Variants in RUBCN observed in about 807,000 individuals in gnomAD.
The protein encoded by RUBCN is rubicon autophagy regulator, also known as run domain Beclin-1-interacting and cysteine-rich domain-containing protein.
RUBCN carries 74 observed loss-of-function variants against 113.2 expected under a neutral mutation model. That is an observed-to-expected ratio of 0.65 (90% CI 0.54 to 0.79). The LOEUF (loss-of-function observed/expected upper bound fraction) is 0.79, where lower values mean the gene tolerates loss of function less well. Ranked by LOEUF, RUBCN falls within the 30% of genes least tolerant of loss-of-function variation. The probability of loss-of-function intolerance (pLI) is 0.00; values close to 1 mark genes in which losing one functional copy is unlikely to be tolerated. For missense variants in RUBCN, 1,109 were observed against 1,251.7 expected, an observed-to-expected ratio of 0.89 and a Z score of 1.72; for synonymous variants, 480 against 490.0, an observed-to-expected ratio of 0.98 and a Z score of 0.27.
At chr3:197,728,027 CAGG>C (rs111574762) in intron 1 of RUBCN, among the ~76,000 whole-genome samples, 2 of 152,284 alleles carry the variant, frequency 1.3e-5, no homozygotes, top group African/African-American at 4.8e-5. Flanking sequence ...GAGGCTGAAG[CAGG>C]AGGACTGCCT....
chr3:197,734,940 C>T (rs1400444515), intron 1 of RUBCN, among the ~76,000 whole-genome samples: 1 of 152,216 alleles, frequency 6.6e-6, no homozygotes, highest in Non-Finnish European at 1.5e-5. Context: ...CCACTTTGCA[C>T]ATAAAAGTAG....
intron 1 of RUBCN, among the ~76,000 whole-genome samples, chr3:197,731,335 C>A (rs996662071): frequency 6.6e-6 from 1 of 152,174 alleles, no homozygotes; most frequent in African/African-American, 2.4e-5. Context: ...CAACAGGATC[C>A]CAAGGCAGAA....
chr3:197,718,482 C>T (rs1725787898), intron 1 of RUBCN, among the ~76,000 whole-genome samples: 1 of 152,126 alleles, frequency 6.6e-6, no homozygotes, highest in Non-Finnish European at 1.5e-5. Flanking sequence ...AGACACTTAA[C>T]TCTGTCACCC....
upstream of RUBCN, chr3:197,737,035 A>G (rs1728233984): frequency 2.3e-6 from 2 of 871,076 alleles, no homozygotes; most frequent in Non-Finnish European, 2.9e-6. Flanking sequence ...CCGCTCCCGC[A>G]AGCCGCGCCC....
At chr3:197,711,795 C>T (rs970982051) in intron 2 of RUBCN, among the ~76,000 whole-genome samples, 1 of 151,936 alleles carries the variant, frequency 6.6e-6, no homozygotes, top group Non-Finnish European at 1.5e-5. Context: ...TATCTAGCTA[C>T]GTAAAATACA....
At chr3:197,702,860 T>C (rs564846954) in intron 5 of RUBCN, among the ~76,000 whole-genome samples, 1 of 151,990 alleles carries the variant, frequency 6.6e-6, no homozygotes. Context: ...GAAAAAAACA[T>C]GAAAAAACTG....
intron 11 of RUBCN, among the ~76,000 whole-genome samples, chr3:197,687,359 G>A (rs902726080): frequency 2.6e-4 from 40 of 152,364 alleles, no homozygotes; most frequent in African/African-American, 9.4e-4. Flanking sequence ...TTGTCAGAAA[G>A]TATAGCTCAT....
intron 18 of RUBCN, chr3:197,676,102 G>T: frequency 1.4e-6 from 1 of 711,278 alleles, no homozygotes; most frequent in Non-Finnish European, 1.7e-6. Flanking sequence ...TGCGTTTGAG[G>T]AATACATAAA....
chr3:197,703,138 C>T (rs1404083993), intron 5 of RUBCN, among the ~76,000 whole-genome samples: 1 of 152,012 alleles, frequency 6.6e-6, no homozygotes, highest in Non-Finnish European at 1.5e-5. Context: ...GTGGCTCAGG[C>T]CTCTAATCCC....
upstream of RUBCN, among the ~76,000 whole-genome samples, chr3:197,737,829 A>T (rs1728302971): frequency 6.6e-6 from 1 of 152,134 alleles, no homozygotes; most frequent in Admixed American, 6.6e-5. Flanking sequence ...AAGTAATGCT[A>T]AGAAGTGAAG....
At chr3:197,742,787 T>C (rs552431554) in intron 1 of RUBCN, among the ~76,000 whole-genome samples, 1 of 152,354 alleles carries the variant, frequency 6.6e-6, no homozygotes, top group South Asian at 2.1e-4. Context: ...GAATCCTGGC[T>C]CCCTGAGCCT....
chr3:197,711,554 G>A (rs1724965757), intron 2 of RUBCN, among the ~76,000 whole-genome samples: 1 of 152,114 alleles, frequency 6.6e-6, no homozygotes, highest in East Asian at 1.9e-4. Context: ...CTCTGGAAGG[G>A]CTGGGCATGG....
chr3:197,740,405 G>A (rs1728477985), upstream of RUBCN, among the ~76,000 whole-genome samples: 1 of 151,498 alleles, frequency 6.6e-6, no homozygotes, highest in Non-Finnish European at 1.5e-5. Context: ...GGAGGCGGAG[G>A]TTGCAGTGAG....
At chr3:197,684,865 T>C (rs1412453078) in intron 11 of RUBCN, among the ~76,000 whole-genome samples, 1 of 152,188 alleles carries the variant, frequency 6.6e-6, no homozygotes, top group Admixed American at 6.5e-5. Flanking sequence ...ACTGTTGCCA[T>C]TACCCCGAAT....
chr3:197,722,144 G>A (rs1363166030), intron 1 of RUBCN, among the ~76,000 whole-genome samples: 1 of 151,996 alleles, frequency 6.6e-6, no homozygotes, highest in Non-Finnish European at 1.5e-5. Context: ...ACAGGAGGCT[G>A]AGGCAGGAGA....
At chr3:197,677,370 T>TGCAA (rs951803576) in intron 17 of RUBCN, 110 bp downstream of exon 17, 1 of 952,932 alleles carries the variant, frequency 1.0e-6, no homozygotes, top group Non-Finnish European at 1.7e-6. Flanking sequence ...TTTACAGTTC[T>TGCAA]GCAAAATCTC....
chr3:197,688,994 A>G (rs1722142096), intron 11 of RUBCN, among the ~76,000 whole-genome samples: 1 of 151,538 alleles, frequency 6.6e-6, no homozygotes, highest in Non-Finnish European at 1.5e-5. Context: ...TTTACCAAAA[A>G]TCGTTGAGTT....
chr3:197,676,661 G>T, intron 18 of RUBCN: 1 of 1,413,740 alleles, frequency 7.1e-7, no homozygotes, highest in Admixed American at 2.8e-5. Context: ...AGCTACCCAG[G>T]ACCACAGCCA....
At chr3:197,739,286 G>A (rs1018562439), upstream of RUBCN, among the ~76,000 whole-genome samples, 2 of 151,664 alleles carry the variant, frequency 1.3e-5, no homozygotes, top group Non-Finnish European at 2.9e-5. Context: ...AGCTACTCAG[G>A]AGGCTGAGGC....
Sources: allele counts gnomAD v4.1 joint callset (sites outside exome capture counted in the v4.1 genomes callset), GRCh38; gene constraint gnomAD v4.1.1; transcripts MANE v1.5; gene names NCBI Gene and HGNC (gene_info 2026-07-23, HGNC 2026-07-21).